Variants in LNX2 observed in about 807,000 individuals in gnomAD.
LNX2 encodes ligand of numb-protein X 2.
Under a neutral mutation model 66.2 loss-of-function variants are expected in LNX2, and 35 were observed. That is an observed-to-expected ratio of 0.53 (90% CI 0.40 to 0.70). LNX2 has a LOEUF of 0.70. Ranked by LOEUF, LNX2 falls within the 30% of genes least tolerant of loss-of-function variation. LNX2 has a pLI of 0.00. For synonymous variants in LNX2, 337 were observed against 315.6 expected (o/e 1.07, Z -0.72); for missense variants, 791 against 850.8 (o/e 0.93, Z 0.87).
At chr13:27,599,487 C>G (rs1955632670) in intron 1 of LNX2, among the ~76,000 whole-genome samples, 4 of 152,304 alleles carry the variant, frequency 2.6e-5, no homozygotes, top group South Asian at 2.1e-4. Flanking sequence ...CTATCCTTAT[C>G]TACTAGCATC....
At chr13:27,608,819 T>TG (rs936521175) in intron 1 of LNX2, among the ~76,000 whole-genome samples, 2 of 152,196 alleles carry the variant, frequency 1.3e-5, no homozygotes, top group African/African-American at 4.8e-5. Context: ...TTTGTTTTGG[T>TG]GGGGGGCCAA....
chr13:27,560,155 A>G (rs888446135), intron 5 of LNX2, among the ~76,000 whole-genome samples, 170 bp from the exon 6 acceptor site: 1 of 152,172 alleles, frequency 6.6e-6, no homozygotes, highest in Non-Finnish European at 1.5e-5. Flanking sequence ...TCATTAGCTA[A>G]TATCTTAAAA....
intron 1 of LNX2, among the ~76,000 whole-genome samples, chr13:27,592,476 A>G (rs1053261648): frequency 6.6e-6 from 1 of 152,208 alleles, no homozygotes; most frequent in African/African-American, 2.4e-5. Context: ...TCAAGCTGGA[A>G]TATGTAAAAT....
intron 4 of LNX2, among the ~76,000 whole-genome samples, chr13:27,567,300 A>G (rs1005833928): frequency 2.0e-5 from 3 of 152,082 alleles, no homozygotes; most frequent in African/African-American, 7.2e-5. Context: ...ATGAGATGAT[A>G]ATTTCAACAT....
Position 27,556,221 on chromosome 13 carries a change from A to G in LNX2, c.1546+15T>C, listed in dbSNP as rs1955058406. 3 of 1,598,446 alleles carry G rather than the reference A, an allele frequency of 1.9e-6. No individual in the cohort carries two copies. The highest frequency in any genetic ancestry group is 1.7e-4 in the Middle Eastern group (1 of 5,990). On this transcript the variant is annotated intron_variant, in intron 7 of 9. Transcript: ENST00000316334. ...GAAATAAGATGTGGTAAAATTTTTC[A>G]AGATCCCATCTTACCTCTCTTTATT...
chr13:27,583,383 G>C (rs575818083), intron 1 of LNX2, among the ~76,000 whole-genome samples: 1 of 151,862 alleles, frequency 6.6e-6, no homozygotes, highest in Non-Finnish European at 1.5e-5. Context: ...TCAGCCTCCC[G>C]AGCAGCTGGG....
At chr13:27,581,176 AC>A in intron 2 of LNX2, 120 bp downstream of exon 2, 2 of 649,372 alleles carry the variant, frequency 3.1e-6, no homozygotes, top group Non-Finnish European at 4.9e-6. Context: ...TCTCTTCTGT[AC>A]TTGATTCACC....
In LNX2 at chr13:27,569,116, G is replaced by T. The variant is rs199501730; in HGVS notation, c.568C>A (p.Arg190=). 11 of 1,612,912 alleles carry T rather than the reference G, an allele frequency of 6.8e-6. No individual in the cohort carries two copies. The highest frequency in any genetic ancestry group is 1.3e-5 in the African/African-American group (1 of 74,776). The change falls in exon 3 of 10, where the codon CGG becomes AGG. Residue 190 remains arginine, a synonymous_variant. Transcript: ENST00000316334. ...CLGTGAVPVE[R]HLTSASLSTW... is the part of the protein sequence containing the mutation. Reference sequence around the variant, plus strand: ...GAAAGAGACGCTGATGTCAAGTGCCGCTCCACAGGCACTGCGCCTGTCCCC... The same window carrying T: ...GAAAGAGACGCTGATGTCAAGTGCCTCTCCACAGGCACTGCGCCTGTCCCC...
chr13:27,590,109 C>T (rs1281586706), intron 1 of LNX2, among the ~76,000 whole-genome samples: 2 of 152,078 alleles, frequency 1.3e-5, no homozygotes, highest in Non-Finnish European at 2.9e-5. Context: ...ACCACCACCC[C>T]CGGCTAATTT....
intron 1 of LNX2, among the ~76,000 whole-genome samples, chr13:27,587,624 T>C (rs1955502052): frequency 6.6e-6 from 1 of 152,186 alleles, no homozygotes; most frequent in South Asian, 2.1e-4. Flanking sequence ...CTCCCTTTAA[T>C]CTACAAAGGG....
chr13:27,588,323 G>A (rs1266453125), intron 1 of LNX2, among the ~76,000 whole-genome samples: 1 of 152,182 alleles, frequency 6.6e-6, no homozygotes, highest in Non-Finnish European at 1.5e-5. Flanking sequence ...CTATACCACA[G>A]AGTTTTACTC....
chr13:27,574,352 C>T (rs117480293), intron 2 of LNX2, among the ~76,000 whole-genome samples: 1 of 152,158 alleles, frequency 6.6e-6, no homozygotes, highest in East Asian at 1.9e-4. Context: ...GCAGAAGTGG[C>T]AGTGAGCTGA....
intron 6 of LNX2, among the ~76,000 whole-genome samples, chr13:27,556,755 T>C (rs948598723): frequency 6.6e-6 from 1 of 152,218 alleles, no homozygotes; most frequent in Admixed American, 6.5e-5. Context: ...AGTTTTAAGA[T>C]TCTGAAGACA....
At chr13:27,576,718 C>T (rs1476984220) in intron 2 of LNX2, among the ~76,000 whole-genome samples, 2 of 149,232 alleles carry the variant, frequency 1.3e-5, no homozygotes, top group Non-Finnish European at 3.0e-5. Context: ...GAGCGAGATG[C>T]TATCTCCAGA....
chr13:27,579,372 T>C (rs1200330931), intron 2 of LNX2, among the ~76,000 whole-genome samples: 1 of 152,182 alleles, frequency 6.6e-6, no homozygotes, highest in Non-Finnish European at 1.5e-5. Flanking sequence ...TCACCACCTT[T>C]TCCAATCATC....
rs1460587283 is a variant in LNX2, at chr13:27,546,830, T to G, written c.*1505A>C. 6.6e-6 allele frequency: 1 copy of G among 152,190 alleles called. No homozygotes were observed. Among genetic ancestry groups the G allele is most frequent in the Non-Finnish European group, 1.5e-5 (1 of 68,012 alleles). The allele number at this position is 152,190 out of a possible 1,614,324, so 9.4% of individuals were successfully genotyped here. A position where few individuals can be genotyped will look rare whatever the true frequency, so the allele number is the denominator to read the frequency against. ...TAATATTAATAAGGTAAAGATATTT[T>G]TATCTTATTCACTTATTTATGTGTT... On this transcript the variant is annotated 3_prime_UTR_variant, in exon 10 of 10. Coordinates refer to ENST00000316334, the MANE Select transcript of LNX2 (RefSeq NM_153371.4).
intron 2 of LNX2, among the ~76,000 whole-genome samples, chr13:27,571,624 TAAAG>T (rs1288965526): frequency 6.6e-6 from 1 of 152,140 alleles, no homozygotes; most frequent in African/African-American, 2.4e-5. Flanking sequence ...ACACTTTAAA[TAAAG>T]TGAATTTATT....
At chr13:27,588,052 CA>C (rs1955510807) in intron 1 of LNX2, among the ~76,000 whole-genome samples, 1 of 121,608 alleles carries the variant, frequency 8.2e-6, no homozygotes, top group Admixed American at 8.1e-5. Flanking sequence ...AAAAAAAAAG[CA>C]GTGCTGTCAA....
At position 27,598,362 on chromosome 13, in the gene LNX2, G is replaced by T. The variant is rs142957977; in HGVS notation, c.-100-16559C>A. On this transcript the variant is annotated intron_variant, in intron 1 of 9. Transcript: ENST00000316334. Reference sequence around the variant, plus strand: ...AAAACAAGAACACAGGACAAGGACAGAATATTAGGATTTTTGTTATTAAAC... The same window carrying T: ...AAAACAAGAACACAGGACAAGGACATAATATTAGGATTTTTGTTATTAAAC... Among the ~76,000 whole-genome samples, 9 of 152,256 alleles carry T rather than the reference G, an allele frequency of 5.9e-5. No individual in the cohort carries two copies. The East Asian group carries it at 1.5e-3, about 26-fold the overall frequency.
Sources: gnomAD v4.1 joint callset for allele counts (sites outside exome capture counted in the v4.1 genomes callset) on GRCh38, gnomAD v4.1.1 for gene constraint, MANE v1.5 for transcripts, NCBI Gene and HGNC (gene_info 2026-07-23, HGNC 2026-07-21) for gene names.